The following AGBL1 variants were observed in gnomAD, a reference collection of about 807,000 sequenced individuals.
AGBL1 encodes the protein cytosolic carboxypeptidase 4.
In AGBL1, 130 loss-of-function variants were observed where a neutral mutation model predicts 118.9. The observed-to-expected ratio is 1.09, with a 90% confidence interval of 0.95 to 1.26. The LOEUF is 1.26. AGBL1 is among the 50% of genes most tolerant of loss of function. The probability of loss-of-function intolerance (pLI) is 0.00; values close to 1 mark genes in which losing one functional copy is unlikely to be tolerated. For missense variants in AGBL1, 1,584 were observed against 1,298.1 expected, an observed-to-expected ratio of 1.22 and a Z score of -3.38; for synonymous variants, 555 against 478.9, an observed-to-expected ratio of 1.16 and a Z score of -2.08.
At chr15:86,936,113 C>G (rs1348823021) in intron 23 of AGBL1, among the ~76,000 whole-genome samples, 1 of 152,198 alleles carries the variant, frequency 6.6e-6, no homozygotes, top group African/African-American at 2.4e-5. Flanking sequence ...TGCCCAGGCC[C>G]TGGGGTTCTG....
chr15:86,368,187 G>A (rs150334572), intron 17 of AGBL1, among the ~76,000 whole-genome samples: 568 of 152,166 alleles, frequency 3.7e-3, no homozygotes, highest in Admixed American at 7.1e-3. Context: ...ATCACCATGG[G>A]TAAAGAGCTC....
At chr15:86,419,835 A>T (rs1188537936) in intron 18 of AGBL1, among the ~76,000 whole-genome samples, 1 of 152,130 alleles carries the variant, frequency 6.6e-6, no homozygotes, top group East Asian at 1.9e-4. Context: ...CACAGTGTAA[A>T]CAAAGCCGCC....
chr15:86,181,193 T>C (rs1000755412), intron 5 of AGBL1, among the ~76,000 whole-genome samples: 1 of 152,078 alleles, frequency 6.6e-6, no homozygotes, highest in African/African-American at 2.4e-5. Context: ...TGAAAGCATA[T>C]ATCCTTACAA....
At chr15:86,833,243 G>A (rs2079130843) in intron 22 of AGBL1, among the ~76,000 whole-genome samples, 1 of 152,002 alleles carries the variant, frequency 6.6e-6, no homozygotes. Context: ...ATGTCCTTGG[G>A]CACATGCCCA....
At chr15:86,499,078 A>G (rs1286507268) in intron 18 of AGBL1, among the ~76,000 whole-genome samples, 2 of 151,898 alleles carry the variant, frequency 1.3e-5, no homozygotes, top group Admixed American at 6.6e-5. Context: ...CTGACCAGAA[A>G]TGGATTACAG....
At chr15:86,148,299 G>A (rs1168132393) in intron 3 of AGBL1, among the ~76,000 whole-genome samples, 1 of 152,080 alleles carries the variant, frequency 6.6e-6, no homozygotes, top group African/African-American at 2.4e-5. Flanking sequence ...GACAGAAATG[G>A]GCTTCAAAAG....
At chr15:86,408,086 C>T in intron 18 of AGBL1, among the ~76,000 whole-genome samples, 1 of 152,124 alleles carries the variant, frequency 6.6e-6, no homozygotes, top group Non-Finnish European at 1.5e-5. Context: ...TTCTTTCTTT[C>T]CCTGTCTCTA....
At chr15:86,206,096 A>G (rs1476075684) in intron 5 of AGBL1, among the ~76,000 whole-genome samples, 1 of 152,054 alleles carries the variant, frequency 6.6e-6, no homozygotes, top group Non-Finnish European at 1.5e-5. Flanking sequence ...GTTTGCTCAG[A>G]ATGATGGTTT....
intron 22 of AGBL1, among the ~76,000 whole-genome samples, chr15:86,798,154 T>G (rs2078599899): frequency 1.3e-5 from 2 of 152,154 alleles, no homozygotes; most frequent in South Asian, 4.1e-4. Flanking sequence ...AGTTTCAATA[T>G]CTACAGGAAA....
At chr15:87,013,661 G>A (rs534967227) in intron 24 of AGBL1, among the ~76,000 whole-genome samples, 22 of 152,266 alleles carry the variant, frequency 1.4e-4, no homozygotes, top group African/African-American at 2.2e-4. Context: ...AGTTGGTTAC[G>A]AGGCCTTGCC....
intron 24 of AGBL1, among the ~76,000 whole-genome samples, chr15:86,996,508 G>A (rs1430049326): frequency 6.6e-6 from 1 of 152,152 alleles, no homozygotes; most frequent in Admixed American, 6.5e-5. Context: ...CTCATGAGGT[G>A]GGAGGATAGC....
At chr15:86,442,118 C>G (rs1031362054) in intron 18 of AGBL1, among the ~76,000 whole-genome samples, 1 of 152,186 alleles carries the variant, frequency 6.6e-6, no homozygotes, top group Admixed American at 6.5e-5. Context: ...TGCAAGGAGC[C>G]GGGAGGCTGT....
At chr15:86,805,297 A>G (rs151229070) in intron 22 of AGBL1, among the ~76,000 whole-genome samples, 1 of 152,190 alleles carries the variant, frequency 6.6e-6, no homozygotes, top group Non-Finnish European at 1.5e-5. Flanking sequence ...ATAGTGACTT[A>G]ACTGAGCAAG....
intron 1 of AGBL1, among the ~76,000 whole-genome samples, chr15:86,116,085 C>T (rs907148658): frequency 6.6e-6 from 1 of 152,046 alleles, no homozygotes. Context: ...AGGCAGGGAA[C>T]CTAGAATTTA....
At chr15:87,018,517 C>T (rs1326203732) in intron 24 of AGBL1, among the ~76,000 whole-genome samples, 1 of 152,018 alleles carries the variant, frequency 6.6e-6, no homozygotes, top group Non-Finnish European at 1.5e-5. Flanking sequence ...AACTAAGCTT[C>T]ATAAGAAAAG....
At chr15:86,985,347 C>A (rs2081271346) in intron 23 of AGBL1, among the ~76,000 whole-genome samples, 1 of 152,074 alleles carries the variant, frequency 6.6e-6, no homozygotes, top group Non-Finnish European at 1.5e-5. Context: ...CATTTTACAC[C>A]CCTACCAGCA....
In AGBL1 at chr15:86,636,746, TATATATATATATACAC is replaced by T. The variant is rs1418714709; in HGVS notation, c.2995-37523_2995-37508del. The stretch of plus-strand genomic sequence containing the variant: ...ATATATATATATATATATATATATA[TATATATATATATACAC>T]ATACATACAGAAAGGCAAGAGAAGA... On this transcript the variant is annotated intron_variant, in intron 21 of 22. Transcript: ENST00000614907. 1.1e-4 allele frequency among the ~76,000 whole-genome samples: 6 copies of T among 56,232 alleles called. 1 individual carries two copies. The highest frequency in any genetic ancestry group is 5.6e-4 in the African/African-American group (6 of 10,712). The allele number at this position is 56,232 out of a possible 152,430, so 36.9% of individuals were successfully genotyped here. A position where few individuals can be genotyped will look rare whatever the true frequency, so the allele number is the denominator to read the frequency against.
intron 18 of AGBL1, among the ~76,000 whole-genome samples, chr15:86,494,431 T>C (rs2082821648): frequency 6.6e-6 from 1 of 152,072 alleles, no homozygotes; most frequent in East Asian, 1.9e-4. Context: ...GAAAGTTGAC[T>C]ATGGAGTATC....
At chr15:86,568,655 G>C (rs1380292512) in intron 21 of AGBL1, among the ~76,000 whole-genome samples, 1 of 152,208 alleles carries the variant, frequency 6.6e-6, no homozygotes, top group African/African-American at 2.4e-5. Flanking sequence ...CCCTGGAGCA[G>C]AGCATCAGCA....
Sources: gnomAD v4.1 joint callset for allele counts (sites outside exome capture counted in the v4.1 genomes callset) on GRCh38, gnomAD v4.1.1 for gene constraint, MANE v1.5 for transcripts, NCBI Gene and HGNC (gene_info 2026-07-23, HGNC 2026-07-21) for gene names.